The following CDK2AP2 variants were observed in gnomAD, a reference collection of about 807,000 sequenced individuals.
CDK2AP2 encodes cyclin-dependent kinase 2-associated protein 2.
CDK2AP2 carries 1 observed loss-of-function variant against 13.0 expected under a neutral mutation model. That is an observed-to-expected ratio of 0.08 (90% CI 0.03 to 0.37). CDK2AP2 has a LOEUF of 0.37. Among genes scored for constraint, CDK2AP2 ranks in the 10% least tolerant of loss-of-function variants. The pLI, the probability that CDK2AP2 is intolerant of heterozygous loss-of-function variation, is 0.99. For missense variants in CDK2AP2, 129 were observed against 175.8 expected, an observed-to-expected ratio of 0.73 and a Z score of 1.50; for synonymous variants, 76 against 73.0, an observed-to-expected ratio of 1.04 and a Z score of -0.21.
In CDK2AP2 at chr11:67,507,211, T is replaced by TG. The variant is rs534338115; in HGVS notation, c.313+153dup. 1.0e-4 allele frequency: 96 copies of TG among 945,784 alleles called. No homozygotes were observed. The South Asian group carries it at 1.5e-3, about 14-fold the overall frequency. The allele number at this position is 945,784 out of a possible 1,614,324, so 58.6% of individuals were successfully genotyped here. A position where few individuals can be genotyped will look rare whatever the true frequency, so the allele number is the denominator to read the frequency against. ...AAATTCCCATGCTCTTCCCTGGAAA[T>TG]GGACTCAATTTCAATTCGATTCAAA... is the stretch of plus-strand genomic sequence containing the variant. On this transcript the variant is annotated intron_variant, in intron 3 of 3. Coordinates refer to ENST00000301488, the MANE Select transcript of CDK2AP2 (RefSeq NM_005851.5).
In CDK2AP2 at chr11:67,508,039, C is replaced by G. The variant is rs748629135; in HGVS notation, c.44G>C (p.Gly15Ala). 1 of 1,529,060 alleles carries G rather than the reference C, an allele frequency of 6.5e-7. No individual in the cohort carries two copies. The highest frequency in any genetic ancestry group is 2.3e-5 in the Admixed American group (1 of 42,850). The allele number at this position is 1,529,060 out of a possible 1,614,324, so 94.7% of individuals were successfully genotyped here. ...PIAPAPSSTP[G>A]SSTPGPGTPV... Reference sequence around the variant, plus strand: ...GGTGCCCGGCCCAGGGGTGCTGGAGCCAGGGGTGCTGCTGGGAGCAGGGGC... The same window carrying G: ...GGTGCCCGGCCCAGGGGTGCTGGAGGCAGGGGTGCTGCTGGGAGCAGGGGC... Residue 15 changes from glycine to alanine, a missense_variant, in exon 1 of 4, where the codon GGC becomes GCC. By Grantham distance (60) the Gly-to-Ala change is moderately conservative (BLOSUM62 0). Coordinates refer to ENST00000301488, the MANE Select transcript of CDK2AP2 (RefSeq NM_005851.5).
chr11:67,506,863 C>G lies in CDK2AP2; in HGVS notation c.*82G>C. 8.3e-7 allele frequency: 1 copy of G among 1,211,388 alleles called. No homozygotes were observed. The highest frequency in any genetic ancestry group is 1.2e-6 in the Non-Finnish European group (1 of 841,948). 75.0% of individuals were successfully genotyped at this position (1,211,388 alleles called of 1,614,324 possible). On this transcript the variant is annotated 3_prime_UTR_variant, in exon 4 of 4. Coordinates refer to ENST00000301488, the MANE Select transcript of CDK2AP2 (RefSeq NM_005851.5). ...GACAGGAAGCCCAGGATGGTTAGTG[C>G]AACTCGGGATGAAGGCCAGGGAGAA... is the stretch of plus-strand genomic sequence containing the variant.
chr11:67,507,827 C>T (rs1719277955), intron 1 of CDK2AP2, 138 bp from the exon 2 acceptor site: 1 of 1,536,520 alleles, frequency 6.5e-7, no homozygotes, highest in African/African-American at 1.4e-5. Context: ...AGGGACAAAT[C>T]CCTCCCACTG....
At chr11:67,507,832 C>T in intron 1 of CDK2AP2, 143 bp from the exon 2 acceptor site, 1 of 1,536,716 alleles carries the variant, frequency 6.5e-7, no homozygotes, top group Non-Finnish European at 8.7e-7. Context: ...CAAATCCCTC[C>T]CACTGCGCTC....
intron 3 of CDK2AP2, 89 bp downstream of exon 3, chr11:67,507,276 G>T: frequency 6.8e-7 from 1 of 1,460,944 alleles, no homozygotes; most frequent in Non-Finnish European, 9.6e-7. Context: ...CTCTAGGCTT[G>T]GCTCAGGTGG....
Position 67,507,950 on chromosome 11 carries a change from T to C in CDK2AP2, c.82+51A>G, listed in dbSNP as rs545154051. ...TTGCAGAACTCAGGCCGTCTTCTCT[T>C]CGAGACCTCGACCGCCCGGCAGGCG... On this transcript the variant is annotated intron_variant, in intron 1 of 3. Coordinates refer to ENST00000301488, the MANE Select transcript of CDK2AP2 (RefSeq NM_005851.5). 3 of 1,549,482 alleles carry C rather than the reference T, an allele frequency of 1.9e-6. No homozygotes were observed. In the African/African-American group the frequency reaches 4.1e-5, roughly 21 times the overall value.
rs1442947164 is a variant in CDK2AP2, at chr11:67,508,137, CG to C, written c.-56del. On this transcript the variant is annotated 5_prime_UTR_variant, in exon 1 of 4. Coordinates refer to ENST00000301488, the MANE Select transcript of CDK2AP2 (RefSeq NM_005851.5). The stretch of plus-strand genomic sequence containing the variant: ...CCGGCCGCTCCTCGGGGGTTGGCTG[CG>C]GGGCCGCTCAGCCGCGCTCTGATTG... The C allele has an allele frequency of 1.4e-6, 2 of 1,433,468 alleles. No homozygotes were observed. Among genetic ancestry groups the C allele is most frequent in the African/African-American group, 1.5e-5 (1 of 68,898 alleles). 88.8% of individuals were successfully genotyped at this position (1,433,468 alleles called of 1,614,324 possible).
At position 67,506,998 on chromosome 11, in the gene CDK2AP2, G is replaced by C; in HGVS notation, c.328C>G (p.Arg110Gly). 1 of 1,554,494 alleles carries C rather than the reference G, an allele frequency of 6.4e-7. No homozygotes were observed. Among genetic ancestry groups the C allele is most frequent in the Non-Finnish European group, 8.7e-7 (1 of 1,148,832 alleles). The part of the protein sequence containing the change: ...ERLKRGIIHA[R>G]ALVRECLAET... ...GCCAGGCACTCTCTGACTAGGGCCC[G>C]GGCATGGATGATACCTGGGGGTGGG... Residue 110 changes from arginine to glycine, a missense_variant, in exon 4 of 4, where the codon CGG becomes GGG. This residue lies in a region of CDK2AP2 where 31 missense variants were observed against 76.0 expected (regional missense o/e 0.41). Transcript: ENST00000301488.
intron 3 of CDK2AP2, 54 bp downstream of exon 3, chr11:67,507,311 A>G: frequency 6.2e-7 from 1 of 1,603,932 alleles, no homozygotes; most frequent in South Asian, 1.1e-5. Context: ...TCCTTCCCTC[A>G]TGAAGGATAG....
chr11:67,507,839 G>A (rs1267389721), intron 1 of CDK2AP2, 150 bp from the exon 2 acceptor site: 17 of 1,537,046 alleles, frequency 1.1e-5, no homozygotes, highest in Non-Finnish European at 1.3e-5. Context: ...CTCCCACTGC[G>A]CTCCACCTAC....
At chr11:67,507,836 T>C in intron 1 of CDK2AP2, 147 bp from the exon 2 acceptor site, 2 of 1,537,064 alleles carry the variant, frequency 1.3e-6, no homozygotes, top group South Asian at 2.4e-5. Context: ...TCCCTCCCAC[T>C]GCGCTCCACC....
chr11:67,506,984 T>C lies in CDK2AP2; in HGVS notation c.342A>G (p.Arg114=), dbSNP rs770611001. The C allele has an allele frequency of 2.0e-5, 31 of 1,560,690 alleles. No individual in the cohort carries two copies. Among genetic ancestry groups the C allele is most frequent in the Non-Finnish European group, 2.7e-5 (31 of 1,152,096 alleles). ...TCCGCTCTGTCTCTGCCAGGCACTC[T>C]CTGACTAGGGCCCGGGCATGGATGA... ...RGIIHARALV[R]ECLAETERNA... is the part of the protein sequence containing the mutation. The change falls in exon 4 of 4, where the codon AGA becomes AGG. Residue 114 remains arginine (R), a synonymous_variant. Transcript: ENST00000301488.
intron 3 of CDK2AP2, 34 bp from the exon 4 acceptor site, chr11:67,507,046 C>G: frequency 5.5e-6 from 8 of 1,460,606 alleles, no homozygotes; most frequent in Non-Finnish European, 7.4e-6. Context: ...CAACCCTCCA[C>G]AGCCCCACCC....
At chr11:67,507,092 C>T in intron 3 of CDK2AP2, 80 bp from the exon 4 acceptor site, 1 of 1,061,850 alleles carries the variant, frequency 9.4e-7, no homozygotes, top group South Asian at 1.6e-5. Flanking sequence ...CCTCCCCACT[C>T]CCTTTCCACT....
rs1565201307 is a variant in CDK2AP2 at position 67,508,127 on chromosome 11, G to C, written c.-45C>G. On this transcript the variant is annotated 5_prime_UTR_variant, in exon 1 of 4. Transcript: ENST00000301488. ...CGGACGCCAGCCGGCCGCTCCTCGG[G>C]GGTTGGCTGCGGGGCCGCTCAGCCG... is the stretch of plus-strand genomic sequence containing the variant. The C allele has an allele frequency of 1.4e-6, 2 of 1,441,292 alleles. No homozygotes were observed. Among genetic ancestry groups the C allele is most frequent in the African/African-American group, 1.4e-5 (1 of 69,068 alleles). The allele number at this position is 1,441,292 out of a possible 1,614,324, so 89.3% of individuals were successfully genotyped here.
chr11:67,507,888 A>C, intron 1 of CDK2AP2, 113 bp downstream of exon 1: 2 of 1,543,830 alleles, frequency 1.3e-6, no homozygotes, highest in Non-Finnish European at 1.7e-6. Flanking sequence ...CAGGCCAGCA[A>C]ACTGAGGCTC....
chr11:67,506,629 A>T lies in CDK2AP2; in HGVS notation c.*316T>A. 2 of 435,552 alleles carry T rather than the reference A, an allele frequency of 4.6e-6. No homozygotes were observed. The allele number at this position is 435,552 out of a possible 1,614,324, so 27.0% of individuals were successfully genotyped here. A position where few individuals can be genotyped will look rare whatever the true frequency, so the allele number is the denominator to read the frequency against. On this transcript the variant is annotated 3_prime_UTR_variant, in exon 4 of 4. Coordinates refer to ENST00000301488, the MANE Select transcript of CDK2AP2 (RefSeq NM_005851.5). The stretch of plus-strand genomic sequence containing the variant: ...GCCAGGCCTGTGCCCCTGCTGGGGG[A>T]GAAGGAGGCTCGGGACAAAGTGGGA...
intron 1 of CDK2AP2, 125 bp from the exon 2 acceptor site, chr11:67,507,814 T>C (rs1029967354): frequency 5.2e-6 from 8 of 1,537,802 alleles, no homozygotes; most frequent in Non-Finnish European, 7.0e-6. Flanking sequence ...GCTGATCAAC[T>C]TCAGGGACAA....
chr11:67,507,317 G>GATA, intron 3 of CDK2AP2, 48 bp downstream of exon 3: 1 of 1,609,876 alleles, frequency 6.2e-7, no homozygotes, highest in Non-Finnish European at 8.5e-7. Flanking sequence ...CCTCATGAAG[G>GATA]ATAGTCCAGT....
Sources: gnomAD v4.1 joint callset for allele counts on GRCh38, gnomAD v4.1.1 for gene constraint, gnomAD v4.1.1 regional missense constraint, MANE v1.5 for transcripts, NCBI Gene and HGNC (gene_info 2026-07-23, HGNC 2026-07-21) for gene names.